Variants in KCNMB2 observed in about 807,000 individuals in gnomAD.
KCNMB2 encodes the protein calcium-activated potassium channel subunit beta-2.
Under a neutral mutation model 24.5 loss-of-function variants are expected in KCNMB2, and 9 were observed. The ratio of observed to expected loss-of-function variants is 0.37; its 90% confidence interval spans 0.22 to 0.64. KCNMB2 has a LOEUF of 0.64. Among genes scored for constraint, KCNMB2 ranks in the 30% least tolerant of loss-of-function variants. The pLI is 0.63. For synonymous variants in KCNMB2, 109 were observed against 104.4 expected (o/e 1.04, Z -0.27); for missense variants, 226 against 284.3 (o/e 0.79, Z 1.47).
intron 1 of KCNMB2, among the ~76,000 whole-genome samples, chr3:178,568,839 AGATAGATAGATAGAT>A (rs199665396): frequency 0.01 from 810 of 78,342 alleles, 8 homozygotes; most frequent in African/African-American, 0.03. Context: ...GATGATAGAT[AGATAGATAGATAGAT>A]GATAGATAGA....
At chr3:178,714,827 T>C (rs1188294625) in intron 1 of KCNMB2, among the ~76,000 whole-genome samples, 1 of 152,076 alleles carries the variant, frequency 6.6e-6, no homozygotes, top group African/African-American at 2.4e-5. Flanking sequence ...TTTCTTAGAC[T>C]TTGAGGAGAG....
intron 1 of KCNMB2, among the ~76,000 whole-genome samples, chr3:178,703,420 A>C (rs1292572741): frequency 6.6e-6 from 1 of 152,128 alleles, no homozygotes; most frequent in Non-Finnish European, 1.5e-5. Flanking sequence ...GAAGGTATTT[A>C]GTTCTCCATT....
At chr3:178,544,922 A>G (rs1009472251) in intron 1 of KCNMB2, among the ~76,000 whole-genome samples, 1 of 152,200 alleles carries the variant, frequency 6.6e-6, no homozygotes, top group Non-Finnish European at 1.5e-5. Flanking sequence ...TAGGTTTTTT[A>G]AAAACAACCT....
At chr3:178,722,456 G>A (rs1231138473) in intron 1 of KCNMB2, among the ~76,000 whole-genome samples, 2 of 152,260 alleles carry the variant, frequency 1.3e-5, no homozygotes, top group South Asian at 2.1e-4. Flanking sequence ...AAGGCAAGAG[G>A]GTGAGAGAGG....
intron 4 of KCNMB2, among the ~76,000 whole-genome samples, chr3:178,835,831 C>T (rs1715208261): frequency 6.6e-6 from 1 of 151,930 alleles, no homozygotes; most frequent in South Asian, 2.1e-4. Context: ...TACTGAAAGG[C>T]TTTTTAGCCA....
intron 1 of KCNMB2, among the ~76,000 whole-genome samples, chr3:178,653,354 T>C (rs1370137444): frequency 2.0e-5 from 3 of 152,166 alleles, no homozygotes; most frequent in Non-Finnish European, 2.9e-5. Context: ...TTATGTTTGA[T>C]GTAAATAATT....
At chr3:178,556,268 A>T (rs920018411) in intron 1 of KCNMB2, among the ~76,000 whole-genome samples, 2 of 152,322 alleles carry the variant, frequency 1.3e-5, no homozygotes, top group Non-Finnish European at 2.9e-5. Flanking sequence ...TTCCAGAGTC[A>T]TTTTCATGGA....
rs140060313 is a variant in KCNMB2 at position 178,694,375 on chromosome 3, C to G, written c.-67-112968C>G. On this transcript the variant is annotated intron_variant, in intron 1 of 4. Transcript: ENST00000452583. ...CCATATTATTCCCCTCCTGTCCTCTCCCAATTCTCCTGTCCTTATAATTCA... is the reference window on the plus strand; with the variant it reads ...CCATATTATTCCCCTCCTGTCCTCTGCCAATTCTCCTGTCCTTATAATTCA... 1.1e-4 allele frequency among the ~76,000 whole-genome samples: 16 copies of G among 152,296 alleles called. No individual in the cohort carries two copies. The East Asian group carries it at 3.1e-3, about 29-fold the overall frequency.
chr3:178,580,492 A>G (rs1316565297), intron 1 of KCNMB2, among the ~76,000 whole-genome samples: 1 of 152,230 alleles, frequency 6.6e-6, no homozygotes, highest in Non-Finnish European at 1.5e-5. Context: ...CTCCTATTCA[A>G]CATAGTATTG....
intron 1 of KCNMB2, among the ~76,000 whole-genome samples, chr3:178,736,838 T>C (rs1344784885): frequency 6.6e-6 from 1 of 152,246 alleles, no homozygotes; most frequent in African/African-American, 2.4e-5. Context: ...ATGCGTGAAA[T>C]GTCCCTGGTC....
chr3:178,559,995 T>C (rs187334782), intron 1 of KCNMB2, among the ~76,000 whole-genome samples: 4 of 147,860 alleles, frequency 2.7e-5, no homozygotes, highest in Non-Finnish European at 4.5e-5. Context: ...TATATTTATA[T>C]ACTCTTTTAT....
chr3:178,648,216 A>G (rs563798022), intron 1 of KCNMB2, among the ~76,000 whole-genome samples: 1 of 152,294 alleles, frequency 6.6e-6, no homozygotes, highest in Non-Finnish European at 1.5e-5. Flanking sequence ...GTTCCCATAT[A>G]TGATATACAC....
At chr3:178,776,424 C>A (rs902608891) in intron 1 of KCNMB2, among the ~76,000 whole-genome samples, 11 of 152,174 alleles carry the variant, frequency 7.2e-5, no homozygotes, top group Non-Finnish European at 1.5e-4. Flanking sequence ...CAATTCCCTG[C>A]TCATAGTTTC....
intron 2 of KCNMB2, among the ~76,000 whole-genome samples, chr3:178,808,360 G>A (rs1473364150): frequency 6.6e-6 from 1 of 152,200 alleles, no homozygotes; most frequent in Non-Finnish European, 1.5e-5. Flanking sequence ...ATGTAAGCAA[G>A]TTGCGCATCA....
chr3:178,683,357 AAACT>A (rs1004798857), intron 1 of KCNMB2, among the ~76,000 whole-genome samples: 2 of 151,716 alleles, frequency 1.3e-5, no homozygotes, highest in African/African-American at 4.8e-5. Flanking sequence ...AGTCTCAAAA[AAACT>A]AACTGTTGGG....
chr3:178,808,458 G>C (rs1414737641), intron 2 of KCNMB2, among the ~76,000 whole-genome samples: 1 of 152,116 alleles, frequency 6.6e-6, no homozygotes, highest in African/African-American at 2.4e-5. Context: ...AACTACAATT[G>C]ATAAATGGTG....
intron 1 of KCNMB2, among the ~76,000 whole-genome samples, chr3:178,782,876 T>C (rs1712926754): frequency 6.6e-6 from 1 of 151,612 alleles, no homozygotes; most frequent in Non-Finnish European, 1.5e-5. Context: ...CATGCCTATG[T>C]CCTGAATGGT....
intron 1 of KCNMB2, among the ~76,000 whole-genome samples, chr3:178,618,457 A>T (rs771371330): frequency 3.3e-5 from 5 of 152,214 alleles, no homozygotes; most frequent in Non-Finnish European, 5.9e-5. Context: ...TTCAACAGAA[A>T]GAAAGACCAG....
rs191368484 is a variant in KCNMB2 at position 178,822,460 on chromosome 3, T to C, written c.57-3128T>C. On this transcript the variant is annotated intron_variant, in intron 2 of 4. Coordinates refer to ENST00000452583, the MANE Select transcript of KCNMB2 (RefSeq NM_181361.3). ...CACCCCACGCTGATATTTATATACATGTCTGTTTTCCTTTGGGGCAGGGGC... is the reference window on the plus strand; with the variant it reads ...CACCCCACGCTGATATTTATATACACGTCTGTTTTCCTTTGGGGCAGGGGC... 8.0e-3 allele frequency among the ~76,000 whole-genome samples: 1,212 copies of C among 152,336 alleles called. 10 individuals are homozygous for C. The highest frequency in any genetic ancestry group is 0.011 in the Non-Finnish European group (770 of 68,036).
Sources: gnomAD v4.1 joint callset for allele counts (sites outside exome capture counted in the v4.1 genomes callset) on GRCh38, gnomAD v4.1.1 for gene constraint, MANE v1.5 for transcripts, NCBI Gene and HGNC (gene_info 2026-07-23, HGNC 2026-07-21) for gene names.